The following PLVAP variants were observed in gnomAD, a reference collection of about 807,000 sequenced individuals.
PLVAP encodes the protein plasmalemma vesicle associated protein, also known as plasmalemma vesicle-associated protein.
In PLVAP, 34 loss-of-function variants were observed where a neutral mutation model predicts 43.1. That is an observed-to-expected ratio of 0.79 (90% confidence interval 0.60 to 1.05). The LOEUF is 1.05. Among genes scored for constraint, PLVAP ranks in the 50% least tolerant of loss-of-function variants. PLVAP has a pLI of 0.00. For missense variants in PLVAP, 574 were observed against 593.4 expected (o/e 0.97, Z 0.34); for synonymous variants, 241 against 237.3 (o/e 1.02, Z -0.14).
intron 1 of PLVAP, among the ~76,000 whole-genome samples, chr19:17,372,583 A>G: frequency 6.7e-6 from 1 of 148,610 alleles, no homozygotes; most frequent in African/African-American, 2.4e-5. Context: ...CAGCCTCCCG[A>G]GTAGCTGGGA....
At position 17,377,254 on chromosome 19, in the gene PLVAP, G is replaced by T. The variant is rs958813990; in HGVS notation, c.35C>A (p.Ala12Asp). Reference sequence around the variant, plus strand: ...GCCCCGAGAGCTGCCCCCCGCCCGAGCGTAGGACCCTCCGTGCTCCATGGC... The same window carrying T: ...GCCCCGAGAGCTGCCCCCCGCCCGATCGTAGGACCCTCCGTGCTCCATGGC... ...GLAMEHGGSYARAGGSSRGCW... is the reference protein window; with the variant it reads ...GLAMEHGGSYDRAGGSSRGCW... Residue 12 changes from alanine (A) to aspartate (D), a missense_variant, in exon 1 of 6, where the codon GCT becomes GAT. By Grantham distance (126) the Ala-to-Asp change is moderately radical. Transcript: ENST00000252590. 1 of 1,613,684 alleles carries T rather than the reference G, an allele frequency of 6.2e-7. No individual in the cohort carries two copies. Among genetic ancestry groups the T allele is most frequent in the African/African-American group, 1.3e-5 (1 of 74,936 alleles).
intron 3 of PLVAP, among the ~76,000 whole-genome samples, chr19:17,364,035 C>T (rs561391096): frequency 7.2e-4 from 109 of 151,884 alleles, no homozygotes; most frequent in African/African-American, 2.3e-3. Flanking sequence ...CATGAGTCAC[C>T]GCGCCCGGCC....
At chr19:17,372,135 T>TAAA (rs2074574696) in intron 1 of PLVAP, among the ~76,000 whole-genome samples, 1 of 151,692 alleles carries the variant, frequency 6.6e-6, no homozygotes, top group African/African-American at 2.4e-5. Flanking sequence ...TTTTAATTTT[T>TAAA]AGTTTATTTT....
intron 1 of PLVAP, among the ~76,000 whole-genome samples, chr19:17,367,224 T>C (rs2074554009): frequency 6.6e-6 from 1 of 151,780 alleles, no homozygotes; most frequent in Non-Finnish European, 1.5e-5. Context: ...TTTTTTTGTT[T>C]TTTTTAAAGA....
intron 5 of PLVAP, among the ~76,000 whole-genome samples, chr19:17,358,903 G>T (rs1259528372): frequency 6.6e-6 from 1 of 151,708 alleles, no homozygotes; most frequent in East Asian, 1.9e-4. Flanking sequence ...GGACTCGGGC[G>T]ATCTTCCCAC....
intron 5 of PLVAP, among the ~76,000 whole-genome samples, chr19:17,358,803 CT>C (rs58754349): frequency 0.04 from 4,659 of 115,168 alleles, 147 homozygotes; most frequent in East Asian, 0.13. Flanking sequence ...CAGAGACTAT[CT>C]TTTTTTTTTT....
chr19:17,364,263 T>C (rs1399778705), intron 3 of PLVAP, among the ~76,000 whole-genome samples: 2 of 151,982 alleles, frequency 1.3e-5, no homozygotes, highest in African/African-American at 4.8e-5. Flanking sequence ...TTTTTTGTGT[T>C]TTAGTAGAGG....
intron 1 of PLVAP, among the ~76,000 whole-genome samples, chr19:17,372,366 G>A (rs1025211459): frequency 1.7e-4 from 25 of 150,522 alleles, no homozygotes; most frequent in Non-Finnish European, 3.5e-4. Context: ...CTGAGATTGC[G>A]CCACTGCAAT....
At position 17,364,718 on chromosome 19, in the gene PLVAP, T is replaced by C. The variant is rs113910053; in HGVS notation, c.1179+568A>G. ...GCAACAGAAATTCTAGATCCAACCC[T>C]TCACCCAACCCTAGACCCGATATCC... is the stretch of plus-strand genomic sequence containing the variant. On this transcript the variant is annotated intron_variant, in intron 3 of 5. Coordinates refer to ENST00000252590, the MANE Select transcript of PLVAP (RefSeq NM_031310.3). 3.4e-3 allele frequency among the ~76,000 whole-genome samples: 514 copies of C among 149,260 alleles called. 4 individuals are homozygous for C. The highest frequency in any genetic ancestry group is 0.012 in the African/African-American group (478 of 40,400).
intron 1 of PLVAP, among the ~76,000 whole-genome samples, chr19:17,372,529 T>TCA (rs2074576446): frequency 6.7e-6 from 1 of 149,720 alleles, no homozygotes; most frequent in African/African-American, 2.4e-5. Context: ...CAATCTCGGC[T>TCA]CACTGCAAGC....
chr19:17,361,620 A>G (rs1447393396), intron 3 of PLVAP, among the ~76,000 whole-genome samples: 1 of 152,140 alleles, frequency 6.6e-6, no homozygotes, highest in African/African-American at 2.4e-5. Context: ...GCCAATTCTG[A>G]ACTCAATCAC....
intron 5 of PLVAP, among the ~76,000 whole-genome samples, chr19:17,358,851 G>C (rs1267990601): frequency 2.6e-5 from 4 of 151,570 alleles, no homozygotes; most frequent in Non-Finnish European, 5.9e-5. Flanking sequence ...CCAGGCTGGA[G>C]TGCAGGGATG....
intron 4 of PLVAP, 39 bp downstream of exon 4, chr19:17,360,733 G>T: frequency 6.2e-7 from 1 of 1,603,106 alleles, no homozygotes; most frequent in Non-Finnish European, 8.5e-7. Flanking sequence ...AGGTGGAAAG[G>T]GGCCCCTCCC....
Position 17,360,783 on chromosome 19 carries a change from G to T in PLVAP, c.1229C>A (p.Pro410His). Residue 410 changes from proline to histidine, a missense_variant, in exon 4 of 6, where the codon CCC becomes CAC. Physicochemically the swap from Pro to His is moderately conservative, Grantham distance 77. Transcript: ENST00000252590. ...VSRPMGPVPN[P>H]QPIDPASLEE... ...CTTTTGTCACTCACCGATGGGCTGGGGGTTGGGGACAGGGCCCATGGGCCT... is the reference window on the plus strand; with the variant it reads ...CTTTTGTCACTCACCGATGGGCTGGTGGTTGGGGACAGGGCCCATGGGCCT... The T allele has an allele frequency of 5.6e-6, 9 of 1,613,900 alleles. No homozygotes were observed. In the South Asian group the frequency reaches 7.7e-5, roughly 14 times the overall value.
intron 5 of PLVAP, among the ~76,000 whole-genome samples, chr19:17,355,900 C>CT (rs1568372822): frequency 7.0e-6 from 1 of 142,936 alleles, no homozygotes; most frequent in Non-Finnish European, 1.5e-5. Context: ...GTCTCTACTT[C>CT]TTTTTTTGTT....
At chr19:17,352,478 C>T in intron 5 of PLVAP, 110 bp from the exon 6 acceptor site, 1 of 1,224,244 alleles carries the variant, frequency 8.2e-7, no homozygotes, top group Non-Finnish European at 1.2e-6. Flanking sequence ...TCCTGGGGAC[C>T]CCGGCCCTGC....
rs1402623464 is a variant in PLVAP at position 17,358,277 on chromosome 19, AAAAAG to A, written c.1322+2246_1322+2250del. ...AGGGTATGCAAGAAGGAAAAAAAAAAAAAAGAAGAAGAGGTGGAAATGGAGCTGGA... is the reference window on the plus strand; with the variant it reads ...AGGGTATGCAAGAAGGAAAAAAAAAAAAGAAGAGGTGGAAATGGAGCTGGA... On this transcript the variant is annotated intron_variant, in intron 5 of 5. Coordinates refer to ENST00000252590, the MANE Select transcript of PLVAP (RefSeq NM_031310.3). 5.8e-3 allele frequency among the ~76,000 whole-genome samples: 881 copies of A among 151,492 alleles called. 21 individuals are homozygous for A. The highest frequency in any genetic ancestry group is 0.021 in the African/African-American group (847 of 41,186).
At chr19:17,370,414 C>T (rs186880121) in intron 1 of PLVAP, among the ~76,000 whole-genome samples, 11 of 152,300 alleles carry the variant, frequency 7.2e-5, no homozygotes, top group South Asian at 4.1e-4. Context: ...GATGAATTAA[C>T]GCACAAAATG....
chr19:17,365,364 C>G lies in PLVAP; in HGVS notation c.1101G>C (p.Glu367Asp). ...ERDNLAKELEEKKREAEQLRM... is the reference protein window; with the variant it reads ...ERDNLAKELEDKKREAEQLRM... ...TGAGCTGCTCCGCCTCCCTCTTCTT[C>G]TCTTCCAGCTCCTTGGCCAGGTTGT... The change falls in exon 3 of 6, where the codon GAG becomes GAC. Residue 367 changes from glutamate (E) to aspartate (D), a missense_variant. Physicochemically the swap from Glu to Asp is conservative, Grantham distance 45 (BLOSUM62 2). Coordinates refer to ENST00000252590, the MANE Select transcript of PLVAP (RefSeq NM_031310.3). 1 of 1,613,466 alleles carries G rather than the reference C, an allele frequency of 6.2e-7. No homozygotes were observed. Among genetic ancestry groups the G allele is most frequent in the Non-Finnish European group, 8.5e-7 (1 of 1,180,040 alleles).
Sources: allele counts gnomAD v4.1 joint callset (sites outside exome capture counted in the v4.1 genomes callset), GRCh38; gene constraint gnomAD v4.1.1; transcripts MANE v1.5; gene names NCBI Gene and HGNC (gene_info 2026-07-23, HGNC 2026-07-21).